ACOT7: variants seen among roughly 807,000 people sequenced by gnomAD.
ACOT7 encodes acyl-CoA thioesterase 7.
A neutral mutation model predicts 40.2 loss-of-function variants in ACOT7; 12 were observed. The observed-to-expected ratio is 0.30, with a 90% confidence interval of 0.19 to 0.48. The LOEUF (loss-of-function observed/expected upper bound fraction) is 0.48. Among genes scored for constraint, ACOT7 ranks in the 20% least tolerant of loss-of-function variants. The pLI is 0.99. For synonymous variants in ACOT7, 228 were observed against 219.5 expected, an observed-to-expected ratio of 1.04 and a Z score of -0.34; for missense variants, 395 against 530.8, an observed-to-expected ratio of 0.74 and a Z score of 2.51.
Position 6,385,627 on chromosome 1 carries a change from C to T in ACOT7, c.143+7630G>A, listed in dbSNP as rs199893009. ...AGCCTCCTGGAAGATGCCTGCCTCC[C>T]AAACTCACAGAGCCGGAGAGCCCTG... On this transcript the variant is annotated intron_variant, in intron 1 of 8. Transcript: ENST00000361521. 3.7e-6 allele frequency: 6 copies of T among 1,612,402 alleles called. No homozygotes were observed. The East Asian group carries it at 1.3e-4, about 36-fold the overall frequency.
intron 2 of ACOT7, among the ~76,000 whole-genome samples, chr1:6,344,423 G>A (rs1641361385): frequency 6.6e-6 from 1 of 152,178 alleles, no homozygotes; most frequent in Non-Finnish European, 1.5e-5. Flanking sequence ...TAGGGCAGAA[G>A]GCCACTGATG....
chr1:6,388,767 G>A (rs1256147068), intron 1 of ACOT7, among the ~76,000 whole-genome samples: 20 of 142,332 alleles, frequency 1.4e-4, no homozygotes, highest in African/African-American at 4.2e-4. Flanking sequence ...GGCCGGGTGC[G>A]GTGGCTCACG....
intron 2 of ACOT7, among the ~76,000 whole-genome samples, chr1:6,347,721 C>T (rs1447592822): frequency 6.6e-6 from 1 of 151,698 alleles, no homozygotes; most frequent in Non-Finnish European, 1.5e-5. Context: ...GAGCCGGGAT[C>T]GCACCATTGT....
rs544276131 is a variant in ACOT7, at chr1:6,279,969, T to TGTTCGCCCCAGAGATTTCAGTGCAC, written c.1014+1108_1014+1132dup. On this transcript the variant is annotated intron_variant, in intron 8 of 8. Coordinates refer to ENST00000361521, the MANE Select transcript of ACOT7 (RefSeq NM_007274.4). Reference sequence around the variant, plus strand: ...CTGAGAGGAATGGGTTTTCAGTGCATGTTCGCCCCAGAGATTTCAGTGCAC... The same window carrying TGTTCGCCCCAGAGATTTCAGTGCAC: ...CTGAGAGGAATGGGTTTTCAGTGCATGTTCGCCCCAGAGATTTCAGTGCACGTTCGCCCCAGAGATTTCAGTGCAC... 1.1e-4 allele frequency among the ~76,000 whole-genome samples: 17 copies of TGTTCGCCCCAGAGATTTCAGTGCAC among 152,318 alleles called. No individual in the cohort carries two copies. In the East Asian group the frequency reaches 3.3e-3, roughly 29 times the overall value.
At chr1:6,368,974 T>C (rs1642073610) in intron 1 of ACOT7, among the ~76,000 whole-genome samples, 2 of 152,186 alleles carry the variant, frequency 1.3e-5, no homozygotes, top group South Asian at 4.1e-4. Context: ...CAAGACTACA[T>C]TCCATCTTAA....
In ACOT7 at chr1:6,281,119, G is replaced by T. The variant is rs1639345104; in HGVS notation, c.997C>A (p.Pro333Thr). 1 of 1,613,680 alleles carries T rather than the reference G, an allele frequency of 6.2e-7. No homozygotes were observed. Among genetic ancestry groups the T allele is most frequent in the African/African-American group, 1.3e-5 (1 of 75,074 alleles). Residue 333 changes from proline (P) to threonine (T), a missense_variant, in exon 8 of 9, where the codon CCT (proline) becomes ACT (threonine). This residue lies in a region of ACOT7 where 309 missense variants were observed against 470.3 expected (regional missense o/e 0.66). Transcript: ENST00000361521. ...GCACTCACCACCAGCTGGGGCACAGGCAGCGACCTGCCTTCCTGGCTCAGC... is the reference window on the plus strand; with the variant it reads ...GCACTCACCACCAGCTGGGGCACAGTCAGCGACCTGCCTTCCTGGCTCAGC... Reference protein sequence around the residue: ...VSLSQEGRSLPVPQLVPETED... With the variant: ...VSLSQEGRSLTVPQLVPETED...
At chr1:6,308,623 A>ACAACAGGCAGAAGGAACAG (rs1354160020) in intron 6 of ACOT7, among the ~76,000 whole-genome samples, 4 of 127,530 alleles carry the variant, frequency 3.1e-5, no homozygotes, top group Admixed American at 7.4e-5. Flanking sequence ...AGAGGGAACC[A>ACAACAGGCAGAAGGAACAG]CAACAGGCAG....
chr1:6,272,813 C>T lies in ACOT7; in HGVS notation c.1015-8118G>A, dbSNP rs367761528. Among the ~76,000 whole-genome samples, 8 of 152,368 alleles carry T rather than the reference C, an allele frequency of 5.3e-5. No homozygotes were observed. In the East Asian group the frequency reaches 1.2e-3, roughly 22 times the overall value. On this transcript the variant is annotated intron_variant, in intron 8 of 8. Coordinates refer to ENST00000361521, the MANE Select transcript of ACOT7 (RefSeq NM_007274.4). ...TTCCAGGCCTCCCTGACAGATCTCT[C>T]GCTCACCTTCCGCAGCACCCTGGGT... is the stretch of plus-strand genomic sequence containing the variant.
chr1:6,265,247 G>A (rs12096915), intron 8 of ACOT7, among the ~76,000 whole-genome samples: 2 of 137,940 alleles, frequency 1.4e-5, no homozygotes, highest in Non-Finnish European at 3.1e-5. Context: ...CACGGTCACT[G>A]CCCCAGAGAG....
chr1:6,297,069 C>T (rs912415638), intron 6 of ACOT7, among the ~76,000 whole-genome samples: 2 of 151,930 alleles, frequency 1.3e-5, no homozygotes, highest in African/African-American at 4.8e-5. Flanking sequence ...CGCGGAGTCT[C>T]GCTCTGTCAC....
At chr1:6,305,072 G>A (rs1291283607) in intron 6 of ACOT7, among the ~76,000 whole-genome samples, 4 of 143,608 alleles carry the variant, frequency 2.8e-5, no homozygotes, top group African/African-American at 7.8e-5. Context: ...CGGGCGGGGG[G>A]CTGACCCCCC....
rs900330331 is a variant in ACOT7, at chr1:6,359,533, C to G, written c.144-9667G>C. ...CTTGGGGCTCAGCAACTCCACTACC[C>G]TTCCTCCACTCCCGCGGGCTCTTAG... On this transcript the variant is annotated intron_variant, in intron 1 of 8. Coordinates refer to ENST00000361521, the MANE Select transcript of ACOT7 (RefSeq NM_007274.4). This position sits in a 1 kb window ranked among gnomAD's most constrained non-coding sequence, Gnocchi z 4.1. Among the ~76,000 whole-genome samples, 2 of 152,124 alleles carry G rather than the reference C, an allele frequency of 1.3e-5. No homozygotes were observed. The highest frequency in any genetic ancestry group is 4.8e-5 in the African/African-American group (2 of 41,426).
rs148844416 is a variant in ACOT7, at chr1:6,339,449, G to T, written c.402C>A (p.Ser134=). 3 of 1,613,320 alleles carry T rather than the reference G, an allele frequency of 1.9e-6. No individual in the cohort carries two copies. Among genetic ancestry groups the T allele is most frequent in the Non-Finnish European group, 2.5e-6 (3 of 1,180,006 alleles). ...HSVEVQVNVM[S]ENILTGAKKL... is the part of the protein sequence containing the mutation. Reference sequence around the variant, plus strand: ...CAGAAGTACCTGTGAGGATGTTTTCGGACATCACGTTGACCTGCACCTCCA... The same window carrying T: ...CAGAAGTACCTGTGAGGATGTTTTCTGACATCACGTTGACCTGCACCTCCA... Residue 134 remains serine (S), a synonymous_variant, in exon 3 of 9, where the codon TCC becomes TCA. Transcript: ENST00000361521.
chr1:6,320,931 G>A (rs968181847), intron 5 of ACOT7, among the ~76,000 whole-genome samples: 4 of 152,214 alleles, frequency 2.6e-5, no homozygotes, highest in Admixed American at 2.0e-4. Context: ...AAGAAGATGA[G>A]TTACCTACAC....
At position 6,358,857 on chromosome 1, in the gene ACOT7, C is replaced by A; in HGVS notation, c.144-8991G>T. Reference sequence around the variant, plus strand: ...AGCTGGAAAGCCATGGTGGCTAGGACATCCCAGGATCAGATGCAGAGAAAG... The same window carrying A: ...AGCTGGAAAGCCATGGTGGCTAGGAAATCCCAGGATCAGATGCAGAGAAAG... On this transcript the variant is annotated intron_variant, in intron 1 of 8. Transcript: ENST00000361521. The surrounding 1 kb of genome is among the most constrained non-coding windows in gnomAD (Gnocchi z 4.1). 1.2e-6 allele frequency: 2 copies of A among 1,613,838 alleles called. No homozygotes were observed. Among genetic ancestry groups the A allele is most frequent in the Non-Finnish European group, 1.7e-6 (2 of 1,179,830 alleles).
At chr1:6,295,444 A>G (rs1639786837) in intron 6 of ACOT7, 1 of 156,924 alleles carries the variant, frequency 6.4e-6, no homozygotes, top group African/African-American at 2.4e-5. Context: ...ATAACCTAGC[A>G]ATTCCACTCC....
At chr1:6,364,955 A>G (rs1178639590) in intron 1 of ACOT7, among the ~76,000 whole-genome samples, 2 of 151,426 alleles carry the variant, frequency 1.3e-5, no homozygotes, top group Non-Finnish European at 2.9e-5. Flanking sequence ...CCCGGGAGGC[A>G]GAGGTTGCAG....
intron 1 of ACOT7, among the ~76,000 whole-genome samples, chr1:6,372,059 G>GA (rs1642143107): frequency 1.3e-5 from 2 of 148,660 alleles, no homozygotes; most frequent in South Asian, 4.3e-4. Flanking sequence ...AAAAAAAAAA[G>GA]AAAAAACCTA....
chr1:6,340,778 A>AT (rs1557658931), intron 2 of ACOT7, among the ~76,000 whole-genome samples: 1 of 151,908 alleles, frequency 6.6e-6, no homozygotes, highest in Non-Finnish European at 1.5e-5. Flanking sequence ...GCTCATGACT[A>AT]TAATTCCAGA....
Sources: allele counts gnomAD v4.1 joint callset (sites outside exome capture counted in the v4.1 genomes callset), GRCh38; gene constraint gnomAD v4.1.1; regional missense constraint gnomAD v4.1.1; non-coding constraint Gnocchi (gnomAD v3.1); transcripts MANE v1.5; gene names NCBI Gene and HGNC (gene_info 2026-07-23, HGNC 2026-07-21).